The following KCNK5 variants were observed in gnomAD, a reference collection of about 807,000 sequenced individuals.
KCNK5 encodes the protein potassium two pore domain channel subfamily K member 5, also known as potassium channel subfamily K member 5.
A neutral mutation model predicts 32.9 loss-of-function variants in KCNK5; 18 were observed. The observed-to-expected ratio is 0.55, with a 90% CI of 0.38 to 0.81. KCNK5 has a LOEUF of 0.81. Ranked by LOEUF, KCNK5 falls within the 30% of genes least tolerant of loss-of-function variation. The pLI is 0.00. For synonymous variants in KCNK5, 276 were observed against 275.3 expected, an observed-to-expected ratio of 1.00 and a Z score of -0.03; for missense variants, 507 against 651.0, an observed-to-expected ratio of 0.78 and a Z score of 2.41.
At chr6:39,219,386 T>C (rs1168595095) in intron 1 of KCNK5, among the ~76,000 whole-genome samples, 1 of 151,512 alleles carries the variant, frequency 6.6e-6, no homozygotes, top group Admixed American at 6.6e-5. Flanking sequence ...GCGAGGGGGG[T>C]ATAATTAGTT....
intron 1 of KCNK5, among the ~76,000 whole-genome samples, chr6:39,207,104 C>A (rs759723898): frequency 1.3e-4 from 20 of 152,214 alleles, no homozygotes; most frequent in Non-Finnish European, 2.6e-4. Context: ...GCAGTTCACC[C>A]CCCTGTGCCT....
At chr6:39,226,478 GA>G (rs1222048920) in intron 1 of KCNK5, among the ~76,000 whole-genome samples, 7 of 152,138 alleles carry the variant, frequency 4.6e-5, no homozygotes, top group Non-Finnish European at 1.0e-4. Flanking sequence ...CAGGGTAAGA[GA>G]AACCCCAACT....
At chr6:39,215,707 A>G (rs111745125) in intron 1 of KCNK5, among the ~76,000 whole-genome samples, 3,036 of 152,324 alleles carry the variant, frequency 0.02, 112 homozygotes, top group African/African-American at 0.07. Context: ...GGGAAACCAA[A>G]TGAGTGGATG....
In KCNK5 at chr6:39,228,959, G is replaced by A. The variant is rs762243019; in HGVS notation, c.153C>T (p.Cys51=). Residue 51 remains cysteine (C), a synonymous_variant, in exon 1 of 5, where the codon TGC becomes TGT. Coordinates refer to ENST00000359534, the MANE Select transcript of KCNK5 (RefSeq NM_003740.4). ...QKLHLLKEFP[C]LGQEGLDKIL... ...TCTTGTCCAGGCCCTCCTGACCCAG[G>A]CACGGGAACTCCTTGAGCAGATGCA... The A allele has an allele frequency of 3.1e-6, 5 of 1,614,164 alleles. No individual in the cohort carries two copies. The South Asian group carries it at 5.5e-5, about 18-fold the overall frequency.
chr6:39,221,582 C>G (rs903078638), intron 1 of KCNK5, among the ~76,000 whole-genome samples: 31 of 152,214 alleles, frequency 2.0e-4, no homozygotes, highest in Middle Eastern at 3.2e-3. Flanking sequence ...CACTCACCCT[C>G]CAAGCCTGCC....
Position 39,194,824 on chromosome 6 carries a change from A to AAAC in KCNK5, c.299-65_299-64insGTT. 1 of 1,357,012 alleles carries AAAC rather than the reference A, an allele frequency of 7.4e-7. No homozygotes were observed. The highest frequency in any genetic ancestry group is 1.2e-5 in the South Asian group (1 of 83,298). 84.1% of individuals were successfully genotyped at this position (1,357,012 alleles called of 1,614,324 possible). ...GGTCAAACCAGTGGGCCTTGCTTCC[A>AAAC]ACACACACACAGCCCGTTCTCTAAG... On this transcript the variant is annotated intron_variant, in intron 2 of 4. Transcript: ENST00000359534. This position sits in a 1 kb window ranked among gnomAD's most constrained non-coding sequence, Gnocchi z 4.7.
chr6:39,222,258 G>A (rs1013595982), intron 1 of KCNK5, among the ~76,000 whole-genome samples: 1 of 152,216 alleles, frequency 6.6e-6, no homozygotes. Flanking sequence ...AAAAGAACTA[G>A]AGTGTGAAGG....
rs1562049269 is a variant in KCNK5, at chr6:39,191,597, C to G, written c.793G>C (p.Glu265Gln). The part of the protein sequence containing the change: ...AIKKRRRRRK[E>Q]SFESSPHSRK... Reference sequence around the variant, plus strand: ...GAGTGTGGGGAGCTCTCAAAGGACTCCTTCCGTCGCCGCCGCCGCTTCTTA... The same window carrying G: ...GAGTGTGGGGAGCTCTCAAAGGACTGCTTCCGTCGCCGCCGCCGCTTCTTA... Residue 265 changes from glutamate to glutamine, a missense_variant, in exon 5 of 5, where the codon GAG (glutamate) becomes CAG (glutamine). Around this residue, in one of 6 missense-constraint regions of KCNK5, gnomAD observed 42 missense variants for 35.3 expected, o/e 1.19. Transcript: ENST00000359534. This position sits in a 1 kb window ranked among gnomAD's most constrained non-coding sequence, Gnocchi z 5.8. 2.5e-6 allele frequency: 4 copies of G among 1,613,892 alleles called. No individual in the cohort carries two copies. In the African/African-American group the frequency reaches 4.0e-5, roughly 16 times the overall value.
intron 1 of KCNK5, among the ~76,000 whole-genome samples, chr6:39,227,349 C>A (rs540805748): frequency 6.2e-4 from 95 of 152,200 alleles, no homozygotes; most frequent in African/African-American, 2.2e-3. Context: ...ATTGTTTCCT[C>A]AAGGGAAATC....
chr6:39,215,508 G>A (rs1183985263), intron 1 of KCNK5, among the ~76,000 whole-genome samples: 2 of 152,194 alleles, frequency 1.3e-5, no homozygotes, highest in South Asian at 2.1e-4. Context: ...ATCCCGCACT[G>A]GGGGCATGAG....
chr6:39,200,621 C>T (rs1771119747), intron 1 of KCNK5, among the ~76,000 whole-genome samples: 1 of 152,210 alleles, frequency 6.6e-6, no homozygotes, highest in Admixed American at 6.5e-5. Context: ...CCTGTGCATA[C>T]TCCCACCCAC....
In KCNK5 at chr6:39,227,637, C is replaced by A. The variant is rs1771697967; in HGVS notation, c.186+1289G>T. On this transcript the variant is annotated intron_variant, in intron 1 of 4. Coordinates refer to ENST00000359534, the MANE Select transcript of KCNK5 (RefSeq NM_003740.4). Reference sequence around the variant, plus strand: ...GGACAAGTCTCCCCACACACGGCTGCCAGCAAATACGTATATGCTTATCTG... The same window carrying A: ...GGACAAGTCTCCCCACACACGGCTGACAGCAAATACGTATATGCTTATCTG... 2.0e-5 allele frequency among the ~76,000 whole-genome samples: 3 copies of A among 152,154 alleles called. No individual in the cohort carries two copies. In the South Asian group the frequency reaches 6.2e-4, roughly 32 times the overall value.
chr6:39,195,278 CA>C (rs1771009620), intron 2 of KCNK5, among the ~76,000 whole-genome samples: 1 of 152,224 alleles, frequency 6.6e-6, no homozygotes, highest in Non-Finnish European at 1.5e-5. Flanking sequence ...CCTTGGTTCC[CA>C]AACACATGCG....
At chr6:39,203,434 C>A (rs1433541943) in intron 1 of KCNK5, among the ~76,000 whole-genome samples, 1 of 152,202 alleles carries the variant, frequency 6.6e-6, no homozygotes, top group African/African-American at 2.4e-5. Flanking sequence ...CTCAGAGGCT[C>A]ACAGCCACCC....
In KCNK5 at chr6:39,225,820, C is replaced by T. The variant is rs544823164; in HGVS notation, c.186+3106G>A. Among the ~76,000 whole-genome samples, 355 of 152,316 alleles carry T rather than the reference C, an allele frequency of 2.3e-3. 2 individuals are homozygous for T. The highest frequency in any genetic ancestry group is 8.0e-3 in the African/African-American group (334 of 41,578). ...GCCTGGTCATTGCCCCTCCCCGTCC[C>T]GCCCCATAGGCTGTGCCTCCTGTGG... On this transcript the variant is annotated intron_variant, in intron 1 of 4. Transcript: ENST00000359534.
At chr6:39,219,185 T>G (rs1177580796) in intron 1 of KCNK5, among the ~76,000 whole-genome samples, 1 of 151,986 alleles carries the variant, frequency 6.6e-6, no homozygotes, top group Non-Finnish European at 1.5e-5. Context: ...TCGGGAAAAG[T>G]TGATGGAACA....
At chr6:39,208,902 C>T (rs1186058039) in intron 1 of KCNK5, among the ~76,000 whole-genome samples, 2 of 152,160 alleles carry the variant, frequency 1.3e-5, no homozygotes, top group Non-Finnish European at 2.9e-5. Context: ...CCAGCCTGAC[C>T]AACATGGTGA....
intron 1 of KCNK5, among the ~76,000 whole-genome samples, chr6:39,211,646 G>T (rs1024713600): frequency 3.1e-4 from 47 of 152,310 alleles, no homozygotes; most frequent in Admixed American, 3.3e-4. Context: ...AACTAAAATT[G>T]AATTTTATTA....
chr6:39,220,094 G>C (rs1030294557), intron 1 of KCNK5, among the ~76,000 whole-genome samples: 1 of 152,242 alleles, frequency 6.6e-6, no homozygotes, highest in Non-Finnish European at 1.5e-5. Context: ...GGGCTCTGCT[G>C]TGTCCTCCCC....
Sources: allele counts gnomAD v4.1 joint callset (sites outside exome capture counted in the v4.1 genomes callset), GRCh38; gene constraint gnomAD v4.1.1; regional missense constraint gnomAD v4.1.1; non-coding constraint Gnocchi (gnomAD v3.1); transcripts MANE v1.5; gene names NCBI Gene and HGNC (gene_info 2026-07-23, HGNC 2026-07-21).